Variants in TCERG1 observed in about 807,000 individuals in gnomAD.
TCERG1 encodes transcription elongation regulator 1, also known as TATA box binding protein (TBP)-associated factor, RNA polymerase II, S, 150kD.
TCERG1 carries 37 observed loss-of-function variants against 144.7 expected under a neutral mutation model. The ratio of observed to expected loss-of-function variants is 0.26; its 90% CI spans 0.20 to 0.34. The LOEUF is 0.34. Ranked by LOEUF, TCERG1 falls within the 10% of genes least tolerant of loss-of-function variation. The pLI is 1.00. For missense variants in TCERG1, 1,027 were observed against 1,380.7 expected, an observed-to-expected ratio of 0.74 and a Z score of 4.06; for synonymous variants, 492 against 458.2, an observed-to-expected ratio of 1.07 and a Z score of -0.94.
intron 15 of TCERG1, 149 bp from the exon 16 acceptor site, chr5:146,492,771 G>A: frequency 1.9e-6 from 1 of 527,772 alleles, no homozygotes; most frequent in Non-Finnish European, 3.3e-6. Flanking sequence ...GCTTTAAAGT[G>A]AAACTTGGTA....
Position 146,491,751 on chromosome 5 carries a change from T to A in TCERG1, c.2164-1169T>A, listed in dbSNP as rs867773829. Among the ~76,000 whole-genome samples the A allele has an allele frequency of 1.6e-4, 25 of 152,282 alleles. 1 individual carries two copies. The highest frequency in any genetic ancestry group is 8.5e-4 in the Admixed American group (13 of 15,288). Reference sequence around the variant, plus strand: ...CTTTCTAGAGCAGGCAGTCAGCAAATTTTTAAGAGTCAGATAATTTGTATT... The same window carrying A: ...CTTTCTAGAGCAGGCAGTCAGCAAAATTTTAAGAGTCAGATAATTTGTATT... On this transcript the variant is annotated intron_variant, in intron 15 of 22. Coordinates refer to ENST00000679501, the MANE Select transcript of TCERG1 (RefSeq NM_001382548.1).
At chr5:146,463,025 T>G (rs1417229277) in intron 4 of TCERG1, among the ~76,000 whole-genome samples, 2 of 152,230 alleles carry the variant, frequency 1.3e-5, no homozygotes, top group Non-Finnish European at 2.9e-5. Flanking sequence ...TTTAAGGGCA[T>G]ACTCCTTAGC....
rs1762718968 is a variant in TCERG1, at chr5:146,455,176, T to A, written c.180T>A (p.Pro60=). The A allele has an allele frequency of 6.2e-7, 1 of 1,614,198 alleles. No individual in the cohort carries two copies. Among genetic ancestry groups the A allele is most frequent in the African/African-American group, 1.3e-5 (1 of 75,060 alleles). Residue 60 remains proline, a synonymous_variant, in exon 2 of 23, where the codon CCT becomes CCA. Coordinates refer to ENST00000679501, the MANE Select transcript of TCERG1 (RefSeq NM_001382548.1). Reference sequence around the variant, plus strand: ...CTTTTGGTATGATGCGAGGCCCTCCTCCACCACCACGGCCGCCCTTTGGAC... The same window carrying A: ...CTTTTGGTATGATGCGAGGCCCTCCACCACCACCACGGCCGCCCTTTGGAC... ...PPPFGMMRGP[P]PPPRPPFGRP...
intron 9 of TCERG1, among the ~76,000 whole-genome samples, chr5:146,476,750 C>T (rs1764878683): frequency 1.3e-5 from 2 of 152,090 alleles, no homozygotes; most frequent in African/African-American, 4.8e-5. Flanking sequence ...TCCCCACCTC[C>T]TCTGTTCTTC....
rs112358220 is a variant in TCERG1, at chr5:146,460,334, T to C, written c.892+997T>C. On this transcript the variant is annotated intron_variant, in intron 4 of 22. Coordinates refer to ENST00000679501, the MANE Select transcript of TCERG1 (RefSeq NM_001382548.1). Reference sequence around the variant, plus strand: ...TTTCTTTTTGGGGGGTTTCTTTCTTTTTTTCTTTTTTCTTTTTTTTTTTGT... The same window carrying C: ...TTTCTTTTTGGGGGGTTTCTTTCTTCTTTTCTTTTTTCTTTTTTTTTTTGT... Among the ~76,000 whole-genome samples the C allele has an allele frequency of 7.1e-3, 1,085 of 151,842 alleles. 15 individuals carry two copies. The highest frequency in any genetic ancestry group is 0.024 in the African/African-American group (978 of 41,490).
intron 16 of TCERG1, among the ~76,000 whole-genome samples, chr5:146,496,255 G>C (rs1766892435): frequency 6.6e-6 from 1 of 152,130 alleles, no homozygotes. Context: ...CCTGTTTGGA[G>C]TTTGCTGAGC....
rs1370857035 is a variant in TCERG1 at position 146,510,775 on chromosome 5, C to G, written c.*133C>G. The G allele has an allele frequency of 4.8e-6, 4 of 825,974 alleles. No individual in the cohort carries two copies. The Admixed American group carries it at 1.2e-4, about 25-fold the overall frequency. The allele number at this position is 825,974 out of a possible 1,614,324, so 51.2% of individuals were successfully genotyped here. On this transcript the variant is annotated 3_prime_UTR_variant, in exon 23 of 23. Transcript: ENST00000679501. ...AAACAGAAGGAGAAGCATTTGTGAACAGTTTCTGAACAGAACACTTTGGAA... is the reference window on the plus strand; with the variant it reads ...AAACAGAAGGAGAAGCATTTGTGAAGAGTTTCTGAACAGAACACTTTGGAA...
intron 16 of TCERG1, 44 bp downstream of exon 16, chr5:146,493,082 C>A: frequency 7.7e-7 from 1 of 1,298,402 alleles, no homozygotes; most frequent in Non-Finnish European, 1.1e-6. Context: ...TATTTATTTT[C>A]TCCTAAGATC....
At chr5:146,470,880 G>C (rs1581442068) in intron 8 of TCERG1, 132 bp downstream of exon 8, 2 of 630,306 alleles carry the variant, frequency 3.2e-6, no homozygotes, top group East Asian at 3.2e-5. Flanking sequence ...TAGGATTCTT[G>C]CAAGTTCTTA....
chr5:146,447,959 C>T (rs1022718717), intron 1 of TCERG1, among the ~76,000 whole-genome samples: 3 of 152,194 alleles, frequency 2.0e-5, no homozygotes, highest in Non-Finnish European at 4.4e-5. Flanking sequence ...TTTTTTCATC[C>T]CTTTATTCCT....
chr5:146,477,611 A>G (rs1324099782), intron 9 of TCERG1, among the ~76,000 whole-genome samples: 2 of 151,344 alleles, frequency 1.3e-5, no homozygotes, highest in African/African-American at 2.4e-5. Flanking sequence ...TGAGTTTTCT[A>G]ACTGTAATTA....
intron 1 of TCERG1, among the ~76,000 whole-genome samples, chr5:146,451,094 A>T (rs185743794): frequency 6.6e-6 from 1 of 152,210 alleles, no homozygotes; most frequent in African/African-American, 2.4e-5. Context: ...ATTGTACAGA[A>T]ATGAATACTG....
At chr5:146,475,390 G>A (rs1367670546) in intron 9 of TCERG1, among the ~76,000 whole-genome samples, 2 of 152,118 alleles carry the variant, frequency 1.3e-5, no homozygotes, top group Non-Finnish European at 2.9e-5. Context: ...CCTAGTGGAC[G>A]TTTGGCAATG....
chr5:146,467,969 G>A (rs1442418975), intron 5 of TCERG1, among the ~76,000 whole-genome samples: 1 of 152,174 alleles, frequency 6.6e-6, no homozygotes, highest in Non-Finnish European at 1.5e-5. Flanking sequence ...TGCTGCATCT[G>A]CCTTTTACTG....
At chr5:146,497,933 C>T (rs141094604) in intron 16 of TCERG1, among the ~76,000 whole-genome samples, 17 of 152,300 alleles carry the variant, frequency 1.1e-4, no homozygotes, top group African/African-American at 3.1e-4. Flanking sequence ...CATGGGTAAT[C>T]GCTAAGTCAG....
At position 146,507,281 on chromosome 5, in the gene TCERG1, A is replaced by G. The variant is rs1261350742; in HGVS notation, c.2961+74A>G. The G allele has an allele frequency of 7.9e-6, 11 of 1,396,642 alleles. No homozygotes were observed. Among genetic ancestry groups the G allele is most frequent in the Non-Finnish European group, 1.1e-5 (11 of 1,040,302 alleles). The allele number at this position is 1,396,642 out of a possible 1,614,324, so 86.5% of individuals were successfully genotyped here. A position where few individuals can be genotyped will look rare whatever the true frequency, so the allele number is the denominator to read the frequency against. ...TAATTTCTTAAAGCAAAGCATTGAT[A>G]TGATTTTTAGTGTCATGGTCTTTAG... On this transcript the variant is annotated intron_variant, in intron 20 of 22. Transcript: ENST00000679501. This position sits in a 1 kb window ranked among gnomAD's most constrained non-coding sequence, Gnocchi z 4.6.
At chr5:146,510,246 T>C in intron 22 of TCERG1, 195 bp from the exon 23 acceptor site, 1 of 696,318 alleles carries the variant, frequency 1.4e-6, no homozygotes, top group Non-Finnish European at 2.2e-6. Flanking sequence ...ATTCAGCTTC[T>C]GAGGCCCTTT....
rs778857561 is a variant in TCERG1, at chr5:146,510,693, A to G, written c.*51A>G. 3 of 1,559,116 alleles carry G rather than the reference A, an allele frequency of 1.9e-6. No homozygotes were observed. Among genetic ancestry groups the G allele is most frequent in the East Asian group, 4.6e-5 (2 of 43,932 alleles). On this transcript the variant is annotated 3_prime_UTR_variant, in exon 23 of 23. Coordinates refer to ENST00000679501, the MANE Select transcript of TCERG1 (RefSeq NM_001382548.1). Reference sequence around the variant, plus strand: ...TCTATTCAAAATGCTTGCATGAGCCAATTTTCAGGTTTTTACATATATGTG... The same window carrying G: ...TCTATTCAAAATGCTTGCATGAGCCGATTTTCAGGTTTTTACATATATGTG...
At chr5:146,498,872 T>A in intron 17 of TCERG1, among the ~76,000 whole-genome samples, 186 bp downstream of exon 17, 1 of 152,360 alleles carries the variant, frequency 6.6e-6, no homozygotes, top group Middle Eastern at 3.4e-3. Flanking sequence ...TACATAATGC[T>A]TATTTTAGTA....
Sources: gnomAD v4.1 joint callset for allele counts (sites outside exome capture counted in the v4.1 genomes callset) on GRCh38, gnomAD v4.1.1 for gene constraint, Gnocchi (gnomAD v3.1) non-coding constraint, MANE v1.5 for transcripts, NCBI Gene and HGNC (gene_info 2026-07-23, HGNC 2026-07-21) for gene names.